Variants in MAF observed in about 807,000 individuals in gnomAD.
MAF encodes transcription factor Maf.
MAF carries 10 observed loss-of-function variants against 22.0 expected under a neutral mutation model. The observed-to-expected ratio is 0.45, with a 90% CI of 0.28 to 0.77. The LOEUF is 0.77. Ranked by LOEUF, MAF falls within the 30% of genes least tolerant of loss-of-function variation. The pLI is 0.12. For missense variants in MAF, 544 were observed against 548.4 expected (o/e 0.99, Z 0.08); for synonymous variants, 337 against 255.8 (o/e 1.32, Z -3.03).
At chr16:79,419,213 C>T in the MAF span, among the ~76,000 whole-genome samples, 1 of 152,118 alleles carries the variant, frequency 6.6e-6, no homozygotes, top group African/African-American at 2.4e-5. Flanking sequence ...ATGGGCCAAA[C>T]ACAGCAGTTT....
the MAF span, among the ~76,000 whole-genome samples, chr16:79,437,871 G>C: frequency 7.2e-5 from 11 of 152,160 alleles, no homozygotes; most frequent in African/African-American, 2.6e-4. Context: ...GACGTGGGCC[G>C]CATTCCCCTT....
At chr16:79,341,229 T>G in the MAF span, among the ~76,000 whole-genome samples, 8 of 152,186 alleles carry the variant, frequency 5.3e-5, no homozygotes, top group African/African-American at 1.9e-4. Context: ...GACAATGTAG[T>G]GTGGGTAGGT....
the MAF span, among the ~76,000 whole-genome samples, chr16:79,523,170 A>G: frequency 3.3e-5 from 5 of 152,248 alleles, no homozygotes; most frequent in Non-Finnish European, 7.3e-5. Flanking sequence ...ATATGAGAAC[A>G]TAAGAATTTC....
chr16:79,478,013 G>A, the MAF span, among the ~76,000 whole-genome samples: 65 of 152,222 alleles, frequency 4.3e-4, no homozygotes, highest in African/African-American at 1.2e-3. Flanking sequence ...GAGCCACTGC[G>A]CCTGGCCGTG....
At chr16:79,514,317 G>T in the MAF span, among the ~76,000 whole-genome samples, 1 of 152,172 alleles carries the variant, frequency 6.6e-6, no homozygotes, top group Admixed American at 6.5e-5. Flanking sequence ...AAAATTGATT[G>T]CTGGGTTTTT....
the MAF span, among the ~76,000 whole-genome samples, chr16:79,402,381 C>A: frequency 6.6e-6 from 1 of 152,180 alleles, no homozygotes; most frequent in African/African-American, 2.4e-5. Context: ...AAATGGGGAG[C>A]AGGAAGGCCC....
the MAF span, among the ~76,000 whole-genome samples, chr16:79,392,577 AC>A: frequency 2.0e-5 from 3 of 152,116 alleles, no homozygotes; most frequent in African/African-American, 7.2e-5. Flanking sequence ...GTAATAGGCC[AC>A]GGCTTTCCTA....
At chr16:79,289,852 G>A in the MAF span, among the ~76,000 whole-genome samples, 1 of 26,424 alleles carries the variant, frequency 3.8e-5, no homozygotes, top group Non-Finnish European at 7.5e-5. Context: ...GTTTGTTTGT[G>A]TATTTTTTTT....
the MAF span, among the ~76,000 whole-genome samples, chr16:79,207,533 G>A: frequency 1.3e-5 from 2 of 152,198 alleles, no homozygotes; most frequent in African/African-American, 4.8e-5. Flanking sequence ...GCTGTGCAAT[G>A]TCCCTGTAAG....
the MAF span, among the ~76,000 whole-genome samples, chr16:79,414,642 G>C: frequency 6.6e-6 from 1 of 152,330 alleles, no homozygotes; most frequent in South Asian, 2.1e-4. Context: ...TAGTGCTCAA[G>C]GAGCTTGAAA....
the MAF span, among the ~76,000 whole-genome samples, chr16:79,311,312 G>C: frequency 3.9e-5 from 6 of 152,130 alleles, no homozygotes; most frequent in Admixed American, 2.6e-4. Flanking sequence ...TGGCTCCAGA[G>C]AGTGTCACGC....
At chr16:79,221,763 G>A in the MAF span, among the ~76,000 whole-genome samples, 1 of 152,066 alleles carries the variant, frequency 6.6e-6, no homozygotes, top group Non-Finnish European at 1.5e-5. Context: ...GTGTGTATGT[G>A]TGTGTGTGCA....
At chr16:79,233,434 C>T in the MAF span, among the ~76,000 whole-genome samples, 1 of 151,988 alleles carries the variant, frequency 6.6e-6, no homozygotes, top group East Asian at 1.9e-4. Flanking sequence ...CTAGAGGTTC[C>T]ATTGTGGAGA....
chr16:79,406,489 A>T, the MAF span, among the ~76,000 whole-genome samples: 1 of 152,168 alleles, frequency 6.6e-6, no homozygotes, highest in Non-Finnish European at 1.5e-5. Flanking sequence ...TCAGGTTCAT[A>T]GATGGTGCCT....
intron 1 of MAF, chr16:79,597,229 C>G (rs1036919104): frequency 9.5e-7 from 1 of 1,051,154 alleles, no homozygotes; most frequent in African/African-American, 1.7e-5. Flanking sequence ...CTAACTCTTT[C>G]AAATTTATCT....
At chr16:79,353,381 G>GA in the MAF span, among the ~76,000 whole-genome samples, 3 of 152,016 alleles carry the variant, frequency 2.0e-5, no homozygotes, top group East Asian at 5.8e-4. Flanking sequence ...CGCCTGCCTC[G>GA]GCCTCCCAAA....
chr16:79,266,278 G>A, the MAF span, among the ~76,000 whole-genome samples: 4 of 152,142 alleles, frequency 2.6e-5, no homozygotes, highest in African/African-American at 9.7e-5. Context: ...TTTATGTCTA[G>A]AATTTTCCAT....
chr16:79,342,515 G>A, the MAF span, among the ~76,000 whole-genome samples: 2 of 151,946 alleles, frequency 1.3e-5, no homozygotes, highest in Non-Finnish European at 2.9e-5. Flanking sequence ...TCCTGGGCAG[G>A]TAATCATTAT....
chr16:79,520,475 G>C, the MAF span, among the ~76,000 whole-genome samples: 147 of 152,066 alleles, frequency 9.7e-4, 1 homozygote, highest in Middle Eastern at 0.01. Flanking sequence ...CTATCTCTCT[G>C]TGTGTGTGTG....
Sources: allele counts gnomAD v4.1 joint callset (sites outside exome capture counted in the v4.1 genomes callset), GRCh38; gene constraint gnomAD v4.1.1; transcripts MANE v1.5; gene names NCBI Gene and HGNC (gene_info 2026-07-23, HGNC 2026-07-21).